Variants in SLU7 observed in about 807,000 individuals in gnomAD.
SLU7 encodes pre-mRNA-splicing factor SLU7.
A neutral mutation model predicts 87.0 loss-of-function variants in SLU7; 60 were observed. That is an observed-to-expected ratio of 0.69 (90% CI 0.56 to 0.86). The LOEUF is 0.86. Ranked by LOEUF, SLU7 falls within the 40% of genes least tolerant of loss-of-function variation. SLU7 has a pLI of 0.00. For missense variants in SLU7, 507 were observed against 686.6 expected, an observed-to-expected ratio of 0.74 and a Z score of 2.92; for synonymous variants, 197 against 222.0, an observed-to-expected ratio of 0.89 and a Z score of 1.00.
rs371933083 is a variant in SLU7, at chr5:160,408,033, A to G, written c.855T>C (p.Tyr285=). The G allele has an allele frequency of 3.2e-5, 52 of 1,612,794 alleles. No individual in the cohort carries two copies. Among genetic ancestry groups the G allele is most frequent in the Non-Finnish European group, 4.2e-5 (49 of 1,179,014 alleles). Residue 285 remains tyrosine, a synonymous_variant, in exon 9 of 16, where the codon TAT becomes TAC. Transcript: ENST00000297151. ...LRNLDPNSAY[Y]DPKTRAMREN... ...CTCTCATTGCTCTAGTTTTTGGATC[A>G]TAGTAGGCAGAATTTGGATCTAAAT...
At chr5:160,405,303 G>A (rs1443660299) in intron 12 of SLU7, among the ~76,000 whole-genome samples, 168 bp from the exon 13 acceptor site, 1 of 152,216 alleles carries the variant, frequency 6.6e-6, no homozygotes, top group Admixed American at 6.5e-5. Context: ...CCTGAAGTGT[G>A]AGAAGCAGGA....
chr5:160,412,968 G>C (rs1228644689), intron 5 of SLU7, among the ~76,000 whole-genome samples: 1 of 151,954 alleles, frequency 6.6e-6, no homozygotes, highest in Non-Finnish European at 1.5e-5. Flanking sequence ...GTGTGACTAT[G>C]ACTTCAAAGG....
Position 160,403,147 on chromosome 5 carries a change from A to T in SLU7, c.*138T>A. The T allele has an allele frequency of 1.8e-6, 1 of 553,076 alleles. No individual in the cohort carries two copies. The highest frequency in any genetic ancestry group is 3.0e-6 in the Non-Finnish European group (1 of 331,204). The allele number at this position is 553,076 out of a possible 1,614,324, so 34.3% of individuals were successfully genotyped here. A position where few individuals can be genotyped will look rare whatever the true frequency, so the allele number is the denominator to read the frequency against. On this transcript the variant is annotated 3_prime_UTR_variant, in exon 16 of 16. Transcript: ENST00000297151. ...CCTCAGTATGGAAAGGAGTGAACTTACTGTGAGGCATCTGAAATATTTATT... is the reference window on the plus strand; with the variant it reads ...CCTCAGTATGGAAAGGAGTGAACTTTCTGTGAGGCATCTGAAATATTTATT...
At chr5:160,404,135 G>A (rs1764899398) in intron 15 of SLU7, among the ~76,000 whole-genome samples, 2 of 152,164 alleles carry the variant, frequency 1.3e-5, no homozygotes, top group Admixed American at 1.3e-4. Flanking sequence ...AGGATGAGGT[G>A]GGCAGTTCAC....
In SLU7 at chr5:160,405,074, A is replaced by C. The variant is rs1561554245; in HGVS notation, c.1349T>G (p.Phe450Cys). 1 of 1,613,446 alleles carries C rather than the reference A, an allele frequency of 6.2e-7. No homozygotes were observed. Among genetic ancestry groups the C allele is most frequent in the South Asian group, 1.1e-5 (1 of 91,060 alleles). The change falls in exon 13 of 16, where the codon TTC (phenylalanine) becomes TGC (cysteine). Residue 450 changes from phenylalanine (F) to cysteine (C), a missense_variant. By Grantham distance (205) the Phe-to-Cys change is radical (BLOSUM62 -2). This residue lies in a region of SLU7 where 201 missense variants were observed against 213.4 expected (regional missense o/e 0.94). Transcript: ENST00000297151. ...TTCTCCAGTACAATAGGAATACTTGAAAAAAGAGTGACAGCATTTGTATCC... is the reference window on the plus strand; with the variant it reads ...TTCTCCAGTACAATAGGAATACTTGCAAAAAGAGTGACAGCATTTGTATCC... ...RWGYKCCHSF[F>C]KYSYCTGEAG... is the part of the protein sequence containing the mutation.
chr5:160,403,306 C>T lies in SLU7; in HGVS notation c.1740G>A (p.Met580Ile), dbSNP rs1764862387. Residue 580 changes from methionine to isoleucine, a missense_variant, in exon 16 of 16, where the codon ATG (methionine) becomes ATA (isoleucine). Met to Ile is a conservative substitution (Grantham distance 10). Coordinates refer to ENST00000297151, the MANE Select transcript of SLU7 (RefSeq NM_006425.5). Reference sequence around the variant, plus strand: ...GTTGCTACTGTCCAAGGAAAGAGGCCATGGGGTCATCTGGCCTCTGACGTT... The same window carrying T: ...GTTGCTACTGTCCAAGGAAAGAGGCTATGGGGTCATCTGGCCTCTGACGTT... ...RMKRQRPDDP[M>I]ASFLGQ The T allele has an allele frequency of 2.5e-6, 4 of 1,606,462 alleles. No homozygotes were observed. The East Asian group carries it at 9.0e-5, about 36-fold the overall frequency.
intron 1 of SLU7, among the ~76,000 whole-genome samples, chr5:160,416,128 A>G (rs1765446386): frequency 6.6e-6 from 1 of 151,332 alleles, no homozygotes; most frequent in Non-Finnish European, 1.5e-5. Context: ...TCCTGACCCC[A>G]GGCCATCTGC....
Position 160,412,126 on chromosome 5 carries a change from C to G in SLU7, c.639+325G>C, listed in dbSNP as rs533736724. 2.6e-5 allele frequency among the ~76,000 whole-genome samples: 4 copies of G among 152,268 alleles called. No homozygotes were observed. In the East Asian group the frequency reaches 7.7e-4, roughly 29 times the overall value. ...CATTTAAGCTATTCCAATTTCTTTA[C>G]TATTGTGAAAAATGCTGTACTATCT... On this transcript the variant is annotated intron_variant, in intron 6 of 15. Transcript: ENST00000297151.
chr5:160,412,320 C>A, intron 6 of SLU7, 131 bp downstream of exon 6: 1 of 623,276 alleles, frequency 1.6e-6, no homozygotes, highest in Non-Finnish European at 2.8e-6. Context: ...TACAAAGTAT[C>A]AGTTTTATTT....
In SLU7 at chr5:160,407,905, T is replaced by C. The variant is rs1765073519; in HGVS notation, c.917+66A>G. The C allele has an allele frequency of 1.4e-6, 2 of 1,461,504 alleles. No individual in the cohort carries two copies. Among genetic ancestry groups the C allele is most frequent in the African/African-American group, 1.4e-5 (1 of 71,884 alleles). The allele number at this position is 1,461,504 out of a possible 1,614,324, so 90.5% of individuals were successfully genotyped here. ...TCTGAATTAAAATGAACACCATCTA[T>C]GGTCAGGTCAGAAAACAATTAACTT... On this transcript the variant is annotated intron_variant, in intron 9 of 15. Coordinates refer to ENST00000297151, the MANE Select transcript of SLU7 (RefSeq NM_006425.5). This position sits in a 1 kb window ranked among gnomAD's most constrained non-coding sequence, Gnocchi z 4.2.
intron 15 of SLU7, 101 bp from the exon 16 acceptor site, chr5:160,403,565 C>G: frequency 1.0e-6 from 1 of 988,314 alleles, no homozygotes; most frequent in Non-Finnish European, 1.4e-6. Context: ...ATGAACTGCT[C>G]TATCAAAAAC....
intron 6 of SLU7, among the ~76,000 whole-genome samples, 191 bp downstream of exon 6, chr5:160,412,260 C>T (rs1765267388): frequency 6.6e-6 from 1 of 151,958 alleles, no homozygotes; most frequent in Non-Finnish European, 1.5e-5. Context: ...TAAATAGTGG[C>T]AATATTGTTC....
intron 1 of SLU7, 137 bp from the exon 2 acceptor site, chr5:160,415,447 TC>T: frequency 1.9e-6 from 1 of 539,288 alleles, no homozygotes; most frequent in Non-Finnish European, 3.0e-6. Flanking sequence ...AAGGGTCTCT[TC>T]CCCCTCCTCA....
At chr5:160,413,394 C>A in intron 5 of SLU7, 62 bp downstream of exon 5, 1 of 1,474,382 alleles carries the variant, frequency 6.8e-7, no homozygotes. Flanking sequence ...AGTAGAGCTG[C>A]TAGAGATACA....
Position 160,407,569 on chromosome 5 carries a change from C to T in SLU7, c.1032G>A (p.Gln344=). Residue 344 remains glutamine, a synonymous_variant, in exon 11 of 16, where the codon CAG becomes CAA. Coordinates refer to ENST00000297151, the MANE Select transcript of SLU7 (RefSeq NM_006425.5). This position sits in a 1 kb window ranked among gnomAD's most constrained non-coding sequence, Gnocchi z 4.2. The part of the protein sequence containing the change: ...AYDKGSEVHL[Q]ADPTKLELLY... ...ACAGCTCTAGCTTTGTAGGATCTGC[C>T]TGTAGATGCACTTCAGATCCCTTGT... 6.2e-7 allele frequency: 1 copy of T among 1,613,660 alleles called. No individual in the cohort carries two copies. The highest frequency in any genetic ancestry group is 8.5e-7 in the Non-Finnish European group (1 of 1,179,754).
In SLU7 at chr5:160,407,640, T is replaced by G. The variant is rs1409612398; in HGVS notation, c.986-25A>C. The G allele has an allele frequency of 9.3e-6, 15 of 1,606,470 alleles. No individual in the cohort carries two copies. Among genetic ancestry groups the G allele is most frequent in the Non-Finnish European group, 1.2e-5 (14 of 1,177,478 alleles). ...ACTAGAGTAATTCAAAACATCTTAG[T>G]GAGTTGGCAGCTGCATTACTGTATG... On this transcript the variant is annotated intron_variant, in intron 10 of 15. Transcript: ENST00000297151. This position sits in a 1 kb window ranked among gnomAD's most constrained non-coding sequence, Gnocchi z 4.2.
intron 8 of SLU7, 113 bp downstream of exon 8, chr5:160,408,216 C>T (rs1463247606): frequency 1.6e-6 from 2 of 1,288,722 alleles, no homozygotes; most frequent in Non-Finnish European, 1.1e-6. Flanking sequence ...AGAATGAAAC[C>T]TTATCTTAGA....
chr5:160,408,833 T>TTTTATTATA, intron 6 of SLU7, 136 bp from the exon 7 acceptor site: 1 of 74,186 alleles, frequency 1.3e-5, no homozygotes. Flanking sequence ...TTATTATATA[T>TTTTATTATA]TATATTTATA....
In SLU7 at chr5:160,412,522, TTAA is replaced by T; in HGVS notation, c.571-6_571-4del. ...TGGGCTTTCAATGTTCGTTTTGCCT[TTAA>T]AAAAAAAAAAAAGAAAGAAAGAAAG... On this transcript the variant is annotated splice_polypyrimidine_tract_variant and splice_region_variant and intron_variant, in intron 5 of 15. Transcript: ENST00000297151. 3 of 587,706 alleles carry T rather than the reference TTAA, an allele frequency of 5.1e-6. No individual in the cohort carries two copies. The highest frequency in any genetic ancestry group is 3.7e-5 in the African/African-American group (1 of 26,784). The allele number at this position is 587,706 out of a possible 1,614,324, so 36.4% of individuals were successfully genotyped here.
Sources: gnomAD v4.1 joint callset for allele counts (sites outside exome capture counted in the v4.1 genomes callset) on GRCh38, gnomAD v4.1.1 for gene constraint, gnomAD v4.1.1 regional missense constraint, Gnocchi (gnomAD v3.1) non-coding constraint, MANE v1.5 for transcripts, NCBI Gene and HGNC (gene_info 2026-07-23, HGNC 2026-07-21) for gene names.